The following CNTN5 variants were observed in gnomAD, a reference collection of about 807,000 sequenced individuals.
CNTN5 encodes the protein contactin-5.
Under a neutral mutation model 129.1 loss-of-function variants are expected in CNTN5, and 77 were observed. That is an observed-to-expected ratio of 0.60 (90% CI 0.50 to 0.72). The LOEUF is 0.72. Among genes scored for constraint, CNTN5 ranks in the 30% least tolerant of loss-of-function variants. The probability of loss-of-function intolerance (pLI) is 0.00; values close to 1 mark genes in which losing one functional copy is unlikely to be tolerated. For synonymous variants in CNTN5, 509 were observed against 465.6 expected (o/e 1.09, Z -1.20); for missense variants, 1,478 against 1,328.8 (o/e 1.11, Z -1.75).
intron 3 of CNTN5, among the ~76,000 whole-genome samples, chr11:99,791,294 T>C (rs1475999691): frequency 6.6e-6 from 1 of 152,260 alleles, no homozygotes; most frequent in South Asian, 2.1e-4. Context: ...ATTTAAATCT[T>C]TGACCCATCT....
chr11:100,225,602 C>T (rs1949355417), intron 16 of CNTN5, among the ~76,000 whole-genome samples: 2 of 151,876 alleles, frequency 1.3e-5, no homozygotes, highest in Admixed American at 6.6e-5. Context: ...AGATGTATAA[C>T]TTAATGAACA....
At chr11:99,887,739 G>A (rs1437918259) in intron 6 of CNTN5, among the ~76,000 whole-genome samples, 4 of 152,230 alleles carry the variant, frequency 2.6e-5, no homozygotes, top group African/African-American at 9.6e-5. Flanking sequence ...GGAGTCTGAT[G>A]TTTGAGATCA....
At chr11:99,180,752 G>A (rs929885370) in intron 1 of CNTN5, among the ~76,000 whole-genome samples, 1 of 152,116 alleles carries the variant, frequency 6.6e-6, no homozygotes, top group Non-Finnish European at 1.5e-5. Context: ...AGGCATAGTC[G>A]ATATAGATTA....
intron 3 of CNTN5, among the ~76,000 whole-genome samples, chr11:99,615,357 T>A (rs1950726780): frequency 6.6e-6 from 1 of 152,112 alleles, no homozygotes; most frequent in Non-Finnish European, 1.5e-5. Flanking sequence ...CTTTATAAAA[T>A]CACAAGATTA....
intron 15 of CNTN5, among the ~76,000 whole-genome samples, chr11:100,197,463 G>T (rs904166176): frequency 6.6e-6 from 1 of 151,964 alleles, no homozygotes; most frequent in South Asian, 2.1e-4. Flanking sequence ...GATAATCGTT[G>T]TAAGTGTTGA....
chr11:100,197,228 A>G (rs574088315), intron 15 of CNTN5, among the ~76,000 whole-genome samples: 1 of 151,976 alleles, frequency 6.6e-6, no homozygotes, highest in South Asian at 2.1e-4. Context: ...ATAGTAGACA[A>G]TAAGTCACTG....
intron 3 of CNTN5, among the ~76,000 whole-genome samples, chr11:99,580,712 C>A (rs896072329): frequency 6.7e-6 from 1 of 150,346 alleles, no homozygotes; most frequent in African/African-American, 2.5e-5. Flanking sequence ...CTATTTGATT[C>A]TTCTCTCTTT....
rs548969743 is a variant in CNTN5 at position 99,372,813 on chromosome 11, G to A, written c.-71+47329G>A. ...TGTTATAAAGCAAAAAATTGCTTACGGCATAAAGTTTTTATTTTGTTTTGT... is the reference window on the plus strand; with the variant it reads ...TGTTATAAAGCAAAAAATTGCTTACAGCATAAAGTTTTTATTTTGTTTTGT... On this transcript the variant is annotated intron_variant, in intron 2 of 24. Transcript: ENST00000524871. Among the ~76,000 whole-genome samples the A allele has an allele frequency of 5.8e-4, 89 of 152,262 alleles. 1 individual carries two copies. Among genetic ancestry groups the A allele is most frequent in the African/African-American group, 2.0e-3 (85 of 41,554 alleles).
chr11:99,149,760 G>T (rs554011275), intron 1 of CNTN5, among the ~76,000 whole-genome samples: 1 of 151,918 alleles, frequency 6.6e-6, no homozygotes, highest in Non-Finnish European at 1.5e-5. Flanking sequence ...TGGTCATAAA[G>T]TCTCAATTTT....
At chr11:99,726,821 A>G (rs2135065547) in intron 3 of CNTN5, among the ~76,000 whole-genome samples, 1 of 152,268 alleles carries the variant, frequency 6.6e-6, no homozygotes, top group Non-Finnish European at 1.5e-5. Context: ...TCTCCGCCCC[A>G]TCTTTAAGTA....
intron 15 of CNTN5, among the ~76,000 whole-genome samples, chr11:100,197,438 A>C (rs374833051): frequency 1.6e-4 from 24 of 152,018 alleles, no homozygotes; most frequent in African/African-American, 5.6e-4. Flanking sequence ...TGTTAAGTAG[A>C]GGTTATAATA....
intron 7 of CNTN5, among the ~76,000 whole-genome samples, chr11:99,930,629 G>C (rs566590341): frequency 2.6e-5 from 4 of 152,226 alleles, no homozygotes; most frequent in East Asian, 1.9e-4. Context: ...TGTTTATTTT[G>C]TGTATACGTA....
At chr11:99,975,969 G>A (rs538100932) in intron 8 of CNTN5, among the ~76,000 whole-genome samples, 1 of 152,134 alleles carries the variant, frequency 6.6e-6, no homozygotes, top group African/African-American at 2.4e-5. Flanking sequence ...CCACCTAGGA[G>A]CCCGTGAAAT....
chr11:99,033,616 T>G (rs2135102260), intron 1 of CNTN5, among the ~76,000 whole-genome samples: 1 of 151,706 alleles, frequency 6.6e-6, no homozygotes, highest in South Asian at 2.1e-4. Flanking sequence ...GTACATTGAT[T>G]TTGTATCCTG....
intron 8 of CNTN5, among the ~76,000 whole-genome samples, chr11:99,999,484 G>T (rs945639362): frequency 6.6e-6 from 1 of 152,076 alleles, no homozygotes; most frequent in Non-Finnish European, 1.5e-5. Flanking sequence ...TTAGAATGGC[G>T]ATCATTAAAA....
At chr11:99,761,137 T>G (rs1053331379) in intron 3 of CNTN5, among the ~76,000 whole-genome samples, 1 of 152,086 alleles carries the variant, frequency 6.6e-6, no homozygotes, top group African/African-American at 2.4e-5. Flanking sequence ...ATAATTTGGG[T>G]AAAACGTGAT....
intron 3 of CNTN5, among the ~76,000 whole-genome samples, chr11:99,781,593 T>C (rs1183965826): frequency 6.6e-6 from 1 of 152,064 alleles, no homozygotes; most frequent in East Asian, 1.9e-4. Context: ...TATTTGCAAG[T>C]TCTTGTAATC....
rs188786299 is a variant in CNTN5, at chr11:99,540,258, G to A, written c.-70-15887G>A. ...TAAATATGTGTTGTGTTCAAGTTCT[G>A]AGACAAAGAAAGAACGAAAAAGTGC... On this transcript the variant is annotated intron_variant, in intron 2 of 24. Coordinates refer to ENST00000524871, the MANE Select transcript of CNTN5 (RefSeq NM_014361.4). Among the ~76,000 whole-genome samples, 22 of 152,286 alleles carry A rather than the reference G, an allele frequency of 1.4e-4. No homozygotes were observed. The East Asian group carries it at 3.9e-3, about 27-fold the overall frequency.
intron 3 of CNTN5, among the ~76,000 whole-genome samples, chr11:99,766,756 T>C (rs1277095582): frequency 6.6e-6 from 1 of 152,128 alleles, no homozygotes; most frequent in Admixed American, 6.6e-5. Context: ...GCTCAAGTTA[T>C]GCCTATTTTA....
Sources: allele counts gnomAD v4.1 joint callset (sites outside exome capture counted in the v4.1 genomes callset), GRCh38; gene constraint gnomAD v4.1.1; transcripts MANE v1.5; gene names NCBI Gene and HGNC (gene_info 2026-07-23, HGNC 2026-07-21).